USP31: variants seen among roughly 807,000 people sequenced by gnomAD.
The protein encoded by USP31 is ubiquitin specific peptidase 31, also known as ubiquitin carboxyl-terminal hydrolase 31.
A neutral mutation model predicts 119.4 loss-of-function variants in USP31; 44 were observed. The observed-to-expected ratio is 0.37, with a 90% confidence interval of 0.29 to 0.47. The LOEUF is 0.47. USP31 is among the 20% of genes least tolerant of loss of function. The pLI, the probability that USP31 is intolerant of heterozygous loss-of-function variation, is 0.99. For missense variants in USP31, 1,643 were observed against 1,730.2 expected, an observed-to-expected ratio of 0.95 and a Z score of 0.89; for synonymous variants, 749 against 705.6, an observed-to-expected ratio of 1.06 and a Z score of -0.97.
Position 23,105,474 on chromosome 16 carries a change from T to C in USP31, c.1056A>G (p.Ala352=). 1 of 1,614,150 alleles carries C rather than the reference T, an allele frequency of 6.2e-7. No individual in the cohort carries two copies. Among genetic ancestry groups the C allele is most frequent in the Non-Finnish European group, 8.5e-7 (1 of 1,180,008 alleles). The part of the protein sequence containing the change: ...LSGTVARLRE[A]VSMETKIPTD... ...TGGGGATCTTTGTTTCCATAGACAC[T>C]GCTTCCCGAAGTCTGGCGACAGTCC... The change falls in exon 5 of 16, where the codon GCA becomes GCG. Residue 352 remains alanine, a synonymous_variant. Coordinates refer to ENST00000219689, the MANE Select transcript of USP31 (RefSeq NM_020718.4).
At chr16:23,132,800 C>A (rs1028969678) in intron 1 of USP31, among the ~76,000 whole-genome samples, 6 of 152,180 alleles carry the variant, frequency 3.9e-5, no homozygotes, top group Admixed American at 1.3e-4. Flanking sequence ...ATCCACCCAC[C>A]TCCAGAATGG....
intron 4 of USP31, among the ~76,000 whole-genome samples, chr16:23,105,793 T>C (rs916592550): frequency 5.3e-5 from 8 of 152,132 alleles, no homozygotes; most frequent in Non-Finnish European, 8.8e-5. Context: ...ATGAACATTC[T>C]ATGAAGCAAA....
Position 23,062,369 on chromosome 16 carries a change from GT to G in USP31, c.*5676del, listed in dbSNP as rs1202077016. 2.6e-4 allele frequency: 35 copies of G among 132,452 alleles called. No individual in the cohort carries two copies. Among genetic ancestry groups the G allele is most frequent in the Admixed American group, 4.0e-4 (5 of 12,562 alleles). The allele number at this position is 132,452 out of a possible 1,614,324, so 8.2% of individuals were successfully genotyped here. On this transcript the variant is annotated 3_prime_UTR_variant, in exon 16 of 16. Transcript: ENST00000219689. ...AAAACACGAAAAAATAGCAATAAGG[GT>G]TTTTTTTTTTTAAAAAAAAGACACC...
At chr16:23,083,703 G>A (rs57316945) in intron 11 of USP31, among the ~76,000 whole-genome samples, 5 of 93,870 alleles carry the variant, frequency 5.3e-5, no homozygotes, top group African/African-American at 1.6e-4. Flanking sequence ...GGCGGGGGGG[G>A]GGGGGGGGAA....
intron 7 of USP31, among the ~76,000 whole-genome samples, chr16:23,088,066 T>C (rs1393114808): frequency 1.3e-5 from 2 of 152,122 alleles, no homozygotes; most frequent in Admixed American, 6.5e-5. Flanking sequence ...TAGGGGAGTA[T>C]GGTGCTAGGA....
intron 1 of USP31, among the ~76,000 whole-genome samples, chr16:23,114,453 A>G (rs12933344): frequency 0.18 from 24,192 of 135,820 alleles, 2,221 homozygotes; most frequent in Admixed American, 0.27. Flanking sequence ...AAAAAATAGG[A>G]AAAAAAAAAA....
In USP31 at chr16:23,068,758, T is replaced by C; in HGVS notation, c.3347A>G (p.Lys1116Arg). 5 of 1,585,296 alleles carry C rather than the reference T, an allele frequency of 3.2e-6. No homozygotes were observed. Among genetic ancestry groups the C allele is most frequent in the Non-Finnish European group, 4.3e-6 (5 of 1,167,606 alleles). The change falls in exon 16 of 16, where the codon AAG becomes AGG. Residue 1116 changes from lysine (K) to arginine (R), a missense_variant. Physicochemically the swap from Lys to Arg is conservative, Grantham distance 26. Transcript: ENST00000219689. ...SVSSPSPQKQ[K>R]SASALTYTAS... ...AGTGTAGGTGAGGGCCGAGGCTGAC[T>C]TCTGCTTCTGTGGCGAAGGAGATGA...
intron 13 of USP31, among the ~76,000 whole-genome samples, chr16:23,077,069 G>C (rs971210190): frequency 6.6e-6 from 1 of 152,178 alleles, no homozygotes; most frequent in Non-Finnish European, 1.5e-5. Flanking sequence ...TTGAAATATG[G>C]TTTAAACCAA....
intron 1 of USP31, among the ~76,000 whole-genome samples, chr16:23,146,021 T>C (rs886527432): frequency 2.0e-5 from 3 of 152,156 alleles, no homozygotes; most frequent in African/African-American, 4.8e-5. Flanking sequence ...TCTAGAATTA[T>C]TGACCCATTT....
chr16:23,114,630 A>G (rs1225206530), intron 1 of USP31, among the ~76,000 whole-genome samples: 1 of 152,192 alleles, frequency 6.6e-6, no homozygotes, highest in Non-Finnish European at 1.5e-5. Flanking sequence ...TCTGTCCACG[A>G]TCACTTCAAC....
At chr16:23,119,352 C>T (rs925418453) in intron 1 of USP31, among the ~76,000 whole-genome samples, 1 of 152,210 alleles carries the variant, frequency 6.6e-6, no homozygotes, top group African/African-American at 2.4e-5. Flanking sequence ...CCTGCCTCAG[C>T]CTCCCACGGT....
At position 23,133,454 on chromosome 16, in the gene USP31, G is replaced by T. The variant is rs540663527; in HGVS notation, c.633+15184C>A. ...AATCACTGCACATGAGGGAGTTGGG[G>T]GGAGACGGCAATGGATTTAGGAAAC... is the stretch of plus-strand genomic sequence containing the variant. On this transcript the variant is annotated intron_variant, in intron 1 of 15. Coordinates refer to ENST00000219689, the MANE Select transcript of USP31 (RefSeq NM_020718.4). Among the ~76,000 whole-genome samples the T allele has an allele frequency of 6.6e-5, 10 of 152,310 alleles. No individual in the cohort carries two copies. In the East Asian group the frequency reaches 1.9e-3, roughly 29 times the overall value.
chr16:23,143,815 G>T (rs1424866820), intron 1 of USP31, among the ~76,000 whole-genome samples: 1 of 151,996 alleles, frequency 6.6e-6, no homozygotes, highest in African/African-American at 2.4e-5. Flanking sequence ...CCACATGCCA[G>T]TAGCACCCTG....
At chr16:23,113,008 A>G (rs1007413367) in intron 1 of USP31, among the ~76,000 whole-genome samples, 5 of 152,200 alleles carry the variant, frequency 3.3e-5, no homozygotes, top group African/African-American at 1.2e-4. Flanking sequence ...AGCCTGGGCA[A>G]CAAGAGCGAA....
At chr16:23,138,248 C>CT (rs1903252188) in intron 1 of USP31, among the ~76,000 whole-genome samples, 1 of 152,204 alleles carries the variant, frequency 6.6e-6, no homozygotes, top group Non-Finnish European at 1.5e-5. Context: ...AGCCAAAACT[C>CT]TATCCTAAAC....
intron 6 of USP31, among the ~76,000 whole-genome samples, chr16:23,097,597 C>G (rs1364102726): frequency 6.6e-6 from 1 of 152,200 alleles, no homozygotes; most frequent in African/African-American, 2.4e-5. Flanking sequence ...CAAACCAAAT[C>G]CAGCAGCACA....
At position 23,105,519 on chromosome 16, in the gene USP31, A is replaced by C. The variant is rs1902059192; in HGVS notation, c.1011T>G (p.Gly337=). 6 of 1,614,172 alleles carry C rather than the reference A, an allele frequency of 3.7e-6. No homozygotes were observed. The highest frequency in any genetic ancestry group is 5.1e-6 in the Non-Finnish European group (6 of 1,180,006). The stretch of plus-strand genomic sequence containing the variant: ...CAGTCCCAGACAGAGGTACGGCCAC[A>C]CCAATCCTCATGCAGTGAGAACATT... ...QGKCSHCMRI[G]VAVPLSGTVA... Residue 337 remains glycine (G), a synonymous_variant, in exon 5 of 16, where the codon GGT becomes GGG. Transcript: ENST00000219689.
chr16:23,111,627 G>C (rs1352587176), intron 1 of USP31, among the ~76,000 whole-genome samples: 1 of 152,172 alleles, frequency 6.6e-6, no homozygotes, highest in Non-Finnish European at 1.5e-5. Flanking sequence ...GGTGGTGGTA[G>C]AAACCTCAAC....
At chr16:23,083,419 C>T (rs971790155) in intron 11 of USP31, among the ~76,000 whole-genome samples, 1 of 151,898 alleles carries the variant, frequency 6.6e-6, no homozygotes, top group South Asian at 2.1e-4. Context: ...AGTACCAGTA[C>T]GATACCTAAC....
Sources: allele counts gnomAD v4.1 joint callset (sites outside exome capture counted in the v4.1 genomes callset), GRCh38; gene constraint gnomAD v4.1.1; transcripts MANE v1.5; gene names NCBI Gene and HGNC (gene_info 2026-07-23, HGNC 2026-07-21).